The following LRFN2 variants were observed in gnomAD, a reference collection of about 807,000 sequenced individuals.
The protein encoded by LRFN2 is leucine-rich repeat and fibronectin type-III domain-containing protein 2.
Under a neutral mutation model 37.3 loss-of-function variants are expected in LRFN2, and 18 were observed. The observed-to-expected ratio is 0.48, with a 90% confidence interval of 0.33 to 0.72. The LOEUF is 0.72. Among genes scored for constraint, LRFN2 ranks in the 30% least tolerant of loss-of-function variants. The pLI is 0.02. For synonymous variants in LRFN2, 556 were observed against 466.6 expected, an observed-to-expected ratio of 1.19 and a Z score of -2.47; for missense variants, 1,006 against 1,060.7, an observed-to-expected ratio of 0.95 and a Z score of 0.72.
intron 1 of LRFN2, among the ~76,000 whole-genome samples, chr6:40,519,238 T>C (rs1489502081): frequency 6.6e-6 from 1 of 152,208 alleles, no homozygotes; most frequent in Non-Finnish European, 1.5e-5. Flanking sequence ...TGAATGATTC[T>C]AAATCTCATA....
chr6:40,510,328 T>C (rs1765670955), intron 1 of LRFN2, among the ~76,000 whole-genome samples: 1 of 152,110 alleles, frequency 6.6e-6, no homozygotes, highest in Non-Finnish European at 1.5e-5. Flanking sequence ...AACACATAAC[T>C]TGAGGGTAAA....
At chr6:40,470,336 G>A (rs1177622671) in intron 1 of LRFN2, among the ~76,000 whole-genome samples, 1 of 152,246 alleles carries the variant, frequency 6.6e-6, no homozygotes, top group Admixed American at 6.5e-5. Context: ...GTGTGGCTGG[G>A]CGCAGTGGCT....
intron 1 of LRFN2, among the ~76,000 whole-genome samples, chr6:40,556,652 A>C (rs1766889909): frequency 7.5e-6 from 1 of 133,434 alleles, no homozygotes; most frequent in Non-Finnish European, 1.6e-5. Flanking sequence ...AGTGAATTAG[A>C]ACCAGGTCTC....
intron 2 of LRFN2, among the ~76,000 whole-genome samples, chr6:40,393,200 G>A (rs1762550851): frequency 6.6e-6 from 1 of 151,650 alleles, no homozygotes; most frequent in Non-Finnish European, 1.5e-5. Flanking sequence ...AGAAAGAGAT[G>A]TGAGGAGGGA....
At chr6:40,400,421 C>CTTT (rs34460828) in intron 2 of LRFN2, among the ~76,000 whole-genome samples, 36 of 128,646 alleles carry the variant, frequency 2.8e-4, no homozygotes, top group African/African-American at 5.0e-4. Flanking sequence ...GGTACTTTTC[C>CTTT]TTTTTTTTTT....
chr6:40,586,633 A>C (rs1463525308), intron 1 of LRFN2, among the ~76,000 whole-genome samples: 1 of 151,952 alleles, frequency 6.6e-6, no homozygotes, highest in African/African-American at 2.4e-5. Flanking sequence ...CAACGGTTCC[A>C]TCCACCCGTG....
chr6:40,550,251 C>T (rs1167524444), intron 1 of LRFN2, among the ~76,000 whole-genome samples: 1 of 152,120 alleles, frequency 6.6e-6, no homozygotes, highest in Non-Finnish European at 1.5e-5. Flanking sequence ...GCAGAGCAAG[C>T]AGCTCTGTTG....
At chr6:40,454,306 G>A (rs1764188752) in intron 1 of LRFN2, among the ~76,000 whole-genome samples, 4 of 152,094 alleles carry the variant, frequency 2.6e-5, no homozygotes, top group Admixed American at 2.6e-4. Flanking sequence ...AGACAATTTG[G>A]AAATATCTAT....
At chr6:40,398,352 C>A (rs1344218503) in intron 2 of LRFN2, among the ~76,000 whole-genome samples, 1 of 151,780 alleles carries the variant, frequency 6.6e-6, no homozygotes, top group African/African-American at 2.4e-5. Context: ...CAGGGGCAAC[C>A]TTACAGGGTG....
chr6:40,573,099 C>T (rs1767215244), intron 1 of LRFN2, among the ~76,000 whole-genome samples: 1 of 152,218 alleles, frequency 6.6e-6, no homozygotes, highest in African/African-American at 2.4e-5. Context: ...GAAGCATCAG[C>T]TGAGAACTCC....
intron 1 of LRFN2, among the ~76,000 whole-genome samples, chr6:40,437,616 A>C (rs2113831079): frequency 6.6e-6 from 1 of 152,308 alleles, no homozygotes; most frequent in Middle Eastern, 3.4e-3. Context: ...GTGACTATTG[A>C]ATCTTAATTA....
chr6:40,507,015 T>C (rs1765561171), intron 1 of LRFN2, among the ~76,000 whole-genome samples: 1 of 152,232 alleles, frequency 6.6e-6, no homozygotes, highest in Non-Finnish European at 1.5e-5. Context: ...TCAAGAGCCA[T>C]TATTAATTTA....
intron 1 of LRFN2, among the ~76,000 whole-genome samples, chr6:40,529,622 C>T (rs2113908239): frequency 6.6e-6 from 1 of 152,350 alleles, no homozygotes; most frequent in Non-Finnish European, 1.5e-5. Context: ...TTTTCTGCCA[C>T]CACTCCCTGT....
intron 2 of LRFN2, among the ~76,000 whole-genome samples, chr6:40,396,891 T>C (rs1434556395): frequency 6.6e-6 from 1 of 152,182 alleles, no homozygotes; most frequent in Non-Finnish European, 1.5e-5. Context: ...TAGCACTTAC[T>C]TGTCCTGGCA....
intron 1 of LRFN2, among the ~76,000 whole-genome samples, chr6:40,480,824 C>T (rs181658673): frequency 1.3e-5 from 2 of 152,280 alleles, no homozygotes; most frequent in East Asian, 3.9e-4. Context: ...AATACAAGCG[C>T]TCATTAAATG....
intron 1 of LRFN2, among the ~76,000 whole-genome samples, chr6:40,583,033 TCTAA>T (rs1305699669): frequency 1.3e-5 from 2 of 152,144 alleles, no homozygotes; most frequent in Non-Finnish European, 2.9e-5. Flanking sequence ...ATCCACCTCT[TCTAA>T]CTAACACTTA....
Position 40,470,383 on chromosome 6 carries a change from G to A in LRFN2, c.-18-37252C>T, listed in dbSNP as rs1012387485. 1.3e-5 allele frequency among the ~76,000 whole-genome samples: 2 copies of A among 152,340 alleles called. 1 individual carries two copies. The highest frequency in any genetic ancestry group is 1.3e-4 in the Admixed American group (2 of 15,308). On this transcript the variant is annotated intron_variant, in intron 1 of 2. Transcript: ENST00000338305. ...TCCCAGCACTTTGGGAGGCCAAAGC[G>A]AGCAGATCACGAGGTCAGGAGATCA...
At chr6:40,486,635 A>G (rs1261249758) in intron 1 of LRFN2, among the ~76,000 whole-genome samples, 1 of 152,180 alleles carries the variant, frequency 6.6e-6, no homozygotes, top group African/African-American at 2.4e-5. Flanking sequence ...AGGCCGCCTC[A>G]TTTGAAATGT....
intron 2 of LRFN2, among the ~76,000 whole-genome samples, chr6:40,394,195 C>T (rs1376110812): frequency 6.6e-6 from 1 of 152,054 alleles, no homozygotes; most frequent in African/African-American, 2.4e-5. Flanking sequence ...AACTCTGGAC[C>T]CTTGTGACCT....
Sources: gnomAD v4.1 joint callset for allele counts (sites outside exome capture counted in the v4.1 genomes callset) on GRCh38, gnomAD v4.1.1 for gene constraint, MANE v1.5 for transcripts, NCBI Gene and HGNC (gene_info 2026-07-23, HGNC 2026-07-21) for gene names.